Variants in EDN1 observed in about 807,000 individuals in gnomAD.
The protein encoded by EDN1 is endothelin 1, also known as endothelin-1.
A neutral mutation model predicts 21.7 loss-of-function variants in EDN1; 11 were observed. That is an observed-to-expected ratio of 0.51 (90% CI 0.32 to 0.84). The LOEUF is 0.84. Among genes scored for constraint, EDN1 ranks in the 40% least tolerant of loss-of-function variants. The pLI, the probability that EDN1 is intolerant of heterozygous loss-of-function variation, is 0.03. For missense variants in EDN1, 244 were observed against 262.3 expected (o/e 0.93, Z 0.48); for synonymous variants, 85 against 90.6 (o/e 0.94, Z 0.35).
At chr6:12,258,449 C>CAAAAAAAAAAAAAAAAAA in the EDN1 span, among the ~76,000 whole-genome samples, 3 of 63,658 alleles carry the variant, frequency 4.7e-5, no homozygotes, top group African/African-American at 1.5e-4. Flanking sequence ...GATCATGTCT[C>CAAAAAAAAAAAAAAAAAA]AAAAAAAAAA....
upstream of EDN1, among the ~76,000 whole-genome samples, chr6:12,288,087 G>GA (rs1159697757): frequency 4.6e-5 from 7 of 152,084 alleles, no homozygotes. Flanking sequence ...GGGGTGGCGT[G>GA]GAGTGGGGTG....
the EDN1 span, among the ~76,000 whole-genome samples, chr6:12,281,182 T>G: frequency 2.0e-5 from 3 of 152,196 alleles, no homozygotes; most frequent in African/African-American, 7.2e-5. Flanking sequence ...GCTTTTTGAC[T>G]CTTCAAATTA....
At chr6:12,291,069 C>A (rs1762668822) in intron 1 of EDN1, among the ~76,000 whole-genome samples, 1 of 152,076 alleles carries the variant, frequency 6.6e-6, no homozygotes, top group African/African-American at 2.4e-5. Context: ...GAACTTAAAT[C>A]TTATTTAAAC....
At chr6:12,236,100 C>G in the EDN1 span, among the ~76,000 whole-genome samples, 4,894 of 152,202 alleles carry the variant, frequency 0.032, 268 homozygotes, top group African/African-American at 0.11. Flanking sequence ...TGTTTCTTGA[C>G]TTATTTCAAC....
At chr6:12,256,766 ATAG>A in the EDN1 span, among the ~76,000 whole-genome samples, 29 of 152,364 alleles carry the variant, frequency 1.9e-4, no homozygotes, top group African/African-American at 6.5e-4. Context: ...ATTAGATTGT[ATAG>A]TAGTAGTAAT....
At chr6:12,243,317 G>A in the EDN1 span, among the ~76,000 whole-genome samples, 1 of 150,540 alleles carries the variant, frequency 6.6e-6, no homozygotes, top group African/African-American at 2.4e-5. Context: ...GGAGGAGGAG[G>A]AGGAGGAGAG....
At chr6:12,278,255 A>G in the EDN1 span, among the ~76,000 whole-genome samples, 1 of 152,202 alleles carries the variant, frequency 6.6e-6, no homozygotes, top group Non-Finnish European at 1.5e-5. Flanking sequence ...ATTATTTACA[A>G]TAACTGTTAA....
At chr6:12,238,143 G>C in the EDN1 span, among the ~76,000 whole-genome samples, 1 of 141,138 alleles carries the variant, frequency 7.1e-6, no homozygotes, top group African/African-American at 2.7e-5. Context: ...CTGCACTCCA[G>C]CCTGGGTGAC....
the EDN1 span, among the ~76,000 whole-genome samples, chr6:12,278,418 TG>T: frequency 6.6e-6 from 1 of 152,202 alleles, no homozygotes. Context: ...ATAATCCTAT[TG>T]GTTTCTGTCC....
chr6:12,236,768 CT>C, the EDN1 span, among the ~76,000 whole-genome samples: 361 of 144,408 alleles, frequency 2.5e-3, no homozygotes, highest in Middle Eastern at 0.014. Context: ...GCCAATATTT[CT>C]TTTTTTTTTT....
chr6:12,244,659 G>A, the EDN1 span, among the ~76,000 whole-genome samples: 1 of 152,190 alleles, frequency 6.6e-6, no homozygotes, highest in Non-Finnish European at 1.5e-5. Context: ...CTCATAGCAA[G>A]TGTGTAAGTA....
At chr6:12,243,330 G>A in the EDN1 span, among the ~76,000 whole-genome samples, 1 of 150,370 alleles carries the variant, frequency 6.7e-6, no homozygotes. Flanking sequence ...GAGGAGAGGA[G>A]GAGGAGGAGG....
the EDN1 span, among the ~76,000 whole-genome samples, chr6:12,245,655 C>A: frequency 1.3e-5 from 2 of 152,318 alleles, no homozygotes; most frequent in South Asian, 2.1e-4. Flanking sequence ...ACCAAGCCCT[C>A]CACCCCTGAT....
At chr6:12,283,260 A>G in the EDN1 span, among the ~76,000 whole-genome samples, 3 of 152,206 alleles carry the variant, frequency 2.0e-5, no homozygotes, top group African/African-American at 7.2e-5. Flanking sequence ...GGAAAACATG[A>G]TTATCTGAAG....
At chr6:12,269,583 G>T in the EDN1 span, among the ~76,000 whole-genome samples, 1 of 151,940 alleles carries the variant, frequency 6.6e-6, no homozygotes, top group African/African-American at 2.4e-5. Context: ...TGATTATATG[G>T]TTTTTGTCCT....
the EDN1 span, among the ~76,000 whole-genome samples, chr6:12,233,528 T>C: frequency 8.5e-5 from 13 of 152,302 alleles, no homozygotes; most frequent in Middle Eastern, 3.4e-3. Context: ...CAAAGTCCTT[T>C]GGACAATTCA....
chr6:12,284,747 GGAA>G, the EDN1 span, among the ~76,000 whole-genome samples: 28 of 87,434 alleles, frequency 3.2e-4, no homozygotes, highest in African/African-American at 1.1e-3. Flanking sequence ...AAGGAAGGAA[GGAA>G]GAAAGAAAGA....
At chr6:12,234,034 G>T in the EDN1 span, among the ~76,000 whole-genome samples, 1 of 152,188 alleles carries the variant, frequency 6.6e-6, no homozygotes, top group Non-Finnish European at 1.5e-5. Context: ...CACACTCCTT[G>T]GTCTTCAGTC....
At chr6:12,245,226 A>T in the EDN1 span, among the ~76,000 whole-genome samples, 1 of 152,160 alleles carries the variant, frequency 6.6e-6, no homozygotes, top group Non-Finnish European at 1.5e-5. Context: ...TCTCTGTGAT[A>T]TGGGTACATA....
Sources: allele counts gnomAD v4.1 joint callset (sites outside exome capture counted in the v4.1 genomes callset), GRCh38; gene constraint gnomAD v4.1.1; transcripts MANE v1.5; gene names NCBI Gene and HGNC (gene_info 2026-07-23, HGNC 2026-07-21).